PDE4D: variants seen among roughly 807,000 people sequenced by gnomAD.
The protein encoded by PDE4D is 3',5'-cyclic-AMP phosphodiesterase 4D.
Under a neutral mutation model 87.4 loss-of-function variants are expected in PDE4D, and 24 were observed. The observed-to-expected ratio is 0.27, with a 90% CI of 0.20 to 0.39. PDE4D has a LOEUF of 0.39. Ranked by LOEUF, PDE4D falls within the 10% of genes least tolerant of loss-of-function variation. PDE4D has a pLI of 1.00. For synonymous variants in PDE4D, 384 were observed against 383.2 expected (o/e 1.00, Z -0.02); for missense variants, 714 against 1,041.0 (o/e 0.69, Z 4.32).
At chr5:59,323,510 T>G (rs538000060) in intron 1 of PDE4D, among the ~76,000 whole-genome samples, 55 of 152,056 alleles carry the variant, frequency 3.6e-4, no homozygotes, top group Non-Finnish European at 3.7e-4. Flanking sequence ...TCTTTGGATA[T>G]CCTAACTCAG....
At chr5:60,407,444 CTTTTTTTTTTT>C (rs70975385) in intron 1 of PDE4D, among the ~76,000 whole-genome samples, 4 of 80,092 alleles carry the variant, frequency 5.0e-5, no homozygotes, top group Admixed American at 2.9e-4. Context: ...TTTCTTTTTC[CTTTTTTTTTTT>C]TTTTTTTTTT....
rs1314884314 is a variant in PDE4D, at chr5:59,276,108, G to A, written c.456-60140C>T. The A allele has an allele frequency of 3.2e-6, 3 of 948,006 alleles. No individual in the cohort carries two copies. The East Asian group carries it at 3.7e-4, about 116-fold the overall frequency. The allele number at this position is 948,006 out of a possible 1,614,324, so 58.7% of individuals were successfully genotyped here. Reference sequence around the variant, plus strand: ...TAAGAAGGCAGTTCAAAACACCGCAGGGCAGTGAGAAAGGAAAAAAAAAAA... The same window carrying A: ...TAAGAAGGCAGTTCAAAACACCGCAAGGCAGTGAGAAAGGAAAAAAAAAAA... On this transcript the variant is annotated intron_variant, in intron 1 of 14. Transcript: ENST00000340635.
chr5:59,599,356 G>A (rs1827165785), intron 1 of PDE4D, among the ~76,000 whole-genome samples: 1 of 150,950 alleles, frequency 6.6e-6, no homozygotes, highest in Admixed American at 6.6e-5. Flanking sequence ...CAAAGAGCTG[G>A]GATTACAGGC....
At chr5:59,974,828 C>A (rs923273271) in intron 3 of PDE4D, among the ~76,000 whole-genome samples, 1 of 152,138 alleles carries the variant, frequency 6.6e-6, no homozygotes, top group Non-Finnish European at 1.5e-5. Flanking sequence ...CATTCTCATT[C>A]TTTCCATATT....
At chr5:59,922,124 C>T (rs1230189399) in intron 3 of PDE4D, among the ~76,000 whole-genome samples, 17 of 152,164 alleles carry the variant, frequency 1.1e-4, no homozygotes, top group Non-Finnish European at 5.9e-5. Context: ...CTGGGCAGAA[C>T]TCAGCTAGCG....
intron 5 of PDE4D, among the ~76,000 whole-genome samples, chr5:59,109,211 G>A (rs886391416): frequency 2.6e-5 from 4 of 151,690 alleles, no homozygotes; most frequent in African/African-American, 4.8e-5. Context: ...AAAAAAATTC[G>A]TTAAATCCTG....
rs572729074 is a variant in PDE4D, at chr5:59,797,404, T to C, written c.455+95764A>G. ...TGCATGGAAGGACCAGCTCGTTAGATGCTTTGGGCAAATAAAAATTTTCTG... is the reference window on the plus strand; with the variant it reads ...TGCATGGAAGGACCAGCTCGTTAGACGCTTTGGGCAAATAAAAATTTTCTG... On this transcript the variant is annotated intron_variant, in intron 1 of 14. Transcript: ENST00000340635. 3.9e-5 allele frequency among the ~76,000 whole-genome samples: 6 copies of C among 152,346 alleles called. No homozygotes were observed. In the East Asian group the frequency reaches 1.2e-3, roughly 29 times the overall value.
rs138785095 is a variant in PDE4D at position 60,510,948 on chromosome 5, G to A, written n.70+11103C>T. ...TCACATGCTTGAAATTCCTCCTGCC[G>A]TGGTAGTTTTTTTGTTTTGTTTTGT... On this transcript the variant is annotated intron_variant and non_coding_transcript_variant, in intron 1 of 2. Transcript: ENST00000506510. 1.2e-4 allele frequency among the ~76,000 whole-genome samples: 19 copies of A among 152,072 alleles called. No homozygotes were observed. In the East Asian group the frequency reaches 1.7e-3, roughly 14 times the overall value.
intron 1 of PDE4D, among the ~76,000 whole-genome samples, chr5:60,426,550 A>G (rs1220760902): frequency 6.6e-6 from 1 of 152,078 alleles, no homozygotes; most frequent in Non-Finnish European, 1.5e-5. Flanking sequence ...GGGGTGGGGG[A>G]TGGATAGCAT....
At chr5:60,012,906 G>A (rs1280331869) in intron 2 of PDE4D, among the ~76,000 whole-genome samples, 1 of 152,116 alleles carries the variant, frequency 6.6e-6, no homozygotes, top group East Asian at 1.9e-4. Context: ...CTGCCCACAT[G>A]CTGTGAACAA....
rs1407165529 is a variant in PDE4D at position 59,927,061 on chromosome 5, A to G, written c.272+61427T>C. Among the ~76,000 whole-genome samples, 4 of 152,326 alleles carry G rather than the reference A, an allele frequency of 2.6e-5. No individual in the cohort carries two copies. The East Asian group carries it at 7.7e-4, about 29-fold the overall frequency. On this transcript the variant is annotated intron_variant, in intron 3 of 16. Transcript: ENST00000502484. ...AAAAAGGAGAGTTTGTCTTCAGCTTACATAGACCAAAACACATGAACTAAA... is the reference window on the plus strand; with the variant it reads ...AAAAAGGAGAGTTTGTCTTCAGCTTGCATAGACCAAAACACATGAACTAAA...
chr5:60,263,496 A>G (rs1161207909), intron 1 of PDE4D, among the ~76,000 whole-genome samples: 1 of 151,598 alleles, frequency 6.6e-6, no homozygotes, highest in Non-Finnish European at 1.5e-5. Context: ...TAGCAGTGGG[A>G]GATGCAGTTA....
chr5:59,570,842 G>A (rs974264108), intron 1 of PDE4D, among the ~76,000 whole-genome samples: 2 of 152,022 alleles, frequency 1.3e-5, no homozygotes, highest in African/African-American at 4.8e-5. Flanking sequence ...TAGAAGAGGG[G>A]AAAAACACAT....
At chr5:59,737,725 T>A (rs1243078605) in intron 1 of PDE4D, among the ~76,000 whole-genome samples, 3 of 152,118 alleles carry the variant, frequency 2.0e-5, no homozygotes, top group Admixed American at 6.5e-5. Context: ...TATTTTTATA[T>A]ATTGCTATTG....
intron 2 of PDE4D, among the ~76,000 whole-genome samples, chr5:60,058,702 A>T (rs1477721299): frequency 6.6e-6 from 1 of 151,958 alleles, no homozygotes; most frequent in South Asian, 2.1e-4. Flanking sequence ...ATCATGTACA[A>T]GTTTACCATT....
At chr5:59,189,232 G>GTTTTTTTTTTGTTTTTTT (rs1561662951) in intron 3 of PDE4D, among the ~76,000 whole-genome samples, 2 of 99,898 alleles carry the variant, frequency 2.0e-5, no homozygotes, top group African/African-American at 3.4e-5. Context: ...TTCCTACCCC[G>GTTTTTTTTTTGTTTTTTT]TTTTTTTTTT....
At chr5:59,267,369 C>T (rs1486186885) in intron 1 of PDE4D, among the ~76,000 whole-genome samples, 1 of 152,040 alleles carries the variant, frequency 6.6e-6, no homozygotes, top group African/African-American at 2.4e-5. Context: ...ATGAATGTCT[C>T]AAGCAAGTTC....
rs191366551 is a variant in PDE4D, at chr5:59,130,554, T to G, written c.808+50041A>C. Among the ~76,000 whole-genome samples the G allele has an allele frequency of 1.8e-3, 275 of 152,340 alleles. 1 individual carries two copies. Among genetic ancestry groups the G allele is most frequent in the Middle Eastern group, 6.8e-3 (2 of 294 alleles). ...ATAGCATTTTAACTCAGAAGCAAAT[T>G]ACAGCCATGACTGTTTAAGTTGGCT... On this transcript the variant is annotated intron_variant, in intron 5 of 14. Coordinates refer to ENST00000340635, the MANE Select transcript of PDE4D (RefSeq NM_001104631.2).
At chr5:60,508,522 C>T (rs865922425) in intron 1 of PDE4D, among the ~76,000 whole-genome samples, 1 of 152,182 alleles carries the variant, frequency 6.6e-6, no homozygotes, top group South Asian at 2.1e-4. Context: ...CTTGGGTTGA[C>T]TATAATTCTA....
Sources: allele counts gnomAD v4.1 joint callset (sites outside exome capture counted in the v4.1 genomes callset), GRCh38; gene constraint gnomAD v4.1.1; transcripts MANE v1.5; gene names NCBI Gene and HGNC (gene_info 2026-07-23, HGNC 2026-07-21).